The following WNK3 variants were observed in gnomAD, a reference collection of about 807,000 sequenced individuals.
The protein encoded by WNK3 is WNK lysine deficient protein kinase 3.
Under a neutral mutation model 116.7 loss-of-function variants are expected in WNK3, and 18 were observed. That is an observed-to-expected ratio of 0.15 (90% confidence interval 0.11 to 0.23). The LOEUF (loss-of-function observed/expected upper bound fraction) is 0.23, where lower values mean the gene tolerates loss of function less well. WNK3 is among the 10% of genes least tolerant of loss of function. The probability of loss-of-function intolerance (pLI) is 1.00; values close to 1 mark genes in which losing one functional copy is unlikely to be tolerated. For missense variants in WNK3, 993 were observed against 1,323.8 expected (o/e 0.75, Z 3.88); for synonymous variants, 404 against 469.4 (o/e 0.86, Z 1.80).
rs782287841 is a variant in WNK3, at chrX:54,268,816, G to A, written c.2038-9478C>T. On this transcript the variant is annotated intron_variant, in intron 10 of 23. Transcript: ENST00000354646. ...CATAAATAAATAAATAAATGAGGGAGAATGGCCAACTAATAAAGAGGAATG... is the reference window on the plus strand; with the variant it reads ...CATAAATAAATAAATAAATGAGGGAAAATGGCCAACTAATAAAGAGGAATG... Among the ~76,000 whole-genome samples the A allele has an allele frequency of 5.4e-5, 6 of 111,019 alleles. No homozygotes were observed. The South Asian group carries it at 2.3e-3, about 42-fold the overall frequency.
rs1603382034 is a variant in WNK3 at position 54,251,471 on chromosome X, T to C, written c.2524-21A>G. ...CCTGTCTGAATTAAAAATGAATAGATAAATTAAAAAGTTCCTGATTCATAT... is the reference window on the plus strand; with the variant it reads ...CCTGTCTGAATTAAAAATGAATAGACAAATTAAAAAGTTCCTGATTCATAT... On this transcript the variant is annotated intron_variant, in intron 14 of 23. Coordinates refer to ENST00000354646, the Ensembl canonical transcript of WNK3. 12 of 1,192,911 alleles carry C rather than the reference T, an allele frequency of 1.0e-5. No individual in the cohort carries two copies. In the East Asian group the frequency reaches 3.3e-4, roughly 33 times the overall value.
At chrX:54,251,373 T>C in intron 15 of WNK3, 26 bp downstream of exon 15, 1 of 1,089,314 alleles carries the variant, frequency 9.2e-7, no homozygotes, top group South Asian at 2.1e-5. Context: ...AAAAACCAAA[T>C]GATAAATTTT....
intron 22 of WNK3, among the ~76,000 whole-genome samples, chrX:54,224,614 G>C (rs2146810814): frequency 9.2e-6 from 1 of 108,162 alleles, no homozygotes; most frequent in Non-Finnish European, 1.9e-5. Flanking sequence ...CTGTCGCCCA[G>C]GCTGGAGTGC....
intron 22 of WNK3, among the ~76,000 whole-genome samples, chrX:54,212,053 C>T (rs1257274721): frequency 2.7e-5 from 3 of 110,686 alleles, no homozygotes; most frequent in Admixed American, 1.9e-4. Flanking sequence ...AGTGAAATGC[C>T]GTCTCTACTA....
intron 2 of WNK3, among the ~76,000 whole-genome samples, chrX:54,321,465 T>C (rs1557172234): frequency 9.0e-6 from 1 of 111,054 alleles, no homozygotes; most frequent in Non-Finnish European, 1.9e-5. Flanking sequence ...AGTGCAGATA[T>C]CTCATTCACA....
chrX:54,197,084 C>T (rs2067450086), exon 24 of WNK3: 1 of 112,037 alleles, frequency 8.9e-6, no homozygotes, highest in Admixed American at 9.5e-5. Context: ...ATGTAAGTCT[C>T]GAAACCTACT....
intron 2 of WNK3, among the ~76,000 whole-genome samples, chrX:54,314,210 A>C (rs1313515247): frequency 9.2e-5 from 10 of 108,418 alleles, no homozygotes; most frequent in East Asian, 8.7e-4. Flanking sequence ...AAAACAAAAA[A>C]AAAAAAAACA....
intron 2 of WNK3, among the ~76,000 whole-genome samples, chrX:54,318,794 T>C (rs782765968): frequency 1.8e-5 from 2 of 110,787 alleles, no homozygotes; most frequent in African/African-American, 6.5e-5. Context: ...TCTTTTTTTT[T>C]TGAGATGGAG....
In WNK3 at chrX:54,198,561, G is replaced by C. The variant is rs369675824; in HGVS notation, c.5166C>G (p.Leu1722=). The change falls in exon 24 of 24, where the codon CTC becomes CTG. Residue 1722 remains leucine, a synonymous_variant. Coordinates refer to ENST00000354646, the Ensembl canonical transcript of WNK3. ...ATGGCCCAGGAAATGAAGGGAGTGA[G>C]AGTCCTTGTGGCAAGGAAGTTGGGA... 2.5e-6 allele frequency: 3 copies of C among 1,207,706 alleles called. No individual in the cohort carries two copies. The African/African-American group carries it at 5.3e-5, about 21-fold the overall frequency.
chrX:54,347,249 G>A (rs1324506087), intron 1 of WNK3, among the ~76,000 whole-genome samples: 2 of 112,380 alleles, frequency 1.8e-5, no homozygotes, highest in Admixed American at 9.5e-5. Flanking sequence ...ACTTTGGGAG[G>A]CCAAGGTGGG....
In WNK3 at chrX:54,254,069, T is replaced by C. The variant is rs782166679; in HGVS notation, c.2257A>G (p.Thr753Ala). 1.8e-4 allele frequency: 212 copies of C among 1,176,891 alleles called. No homozygotes were observed. The highest frequency in any genetic ancestry group is 2.3e-4 in the Non-Finnish European group (203 of 868,923). The change falls in exon 13 of 24, where the codon ACC (threonine) becomes GCC (alanine). Residue 753 changes from threonine (T) to alanine (A), a missense_variant. This residue lies in a region of WNK3 where 836 missense variants were observed against 976.5 expected (regional missense o/e 0.86). Transcript: ENST00000354646. ...CACTCTACCATGTTATCTCCAGAGGTTGATACCTGAGTACAAACATTTTAC... is the reference window on the plus strand; with the variant it reads ...CACTCTACCATGTTATCTCCAGAGGCTGATACCTGAGTACAAACATTTTAC...
At chrX:54,354,899 C>G (rs1032235600) in intron 1 of WNK3, among the ~76,000 whole-genome samples, 2 of 109,780 alleles carry the variant, frequency 1.8e-5, no homozygotes, top group African/African-American at 3.3e-5. Context: ...GCCTGGCCAA[C>G]ATGGGGCAAC....
chrX:54,259,294 T>C, exon 11 of WNK3: 3 of 1,199,682 alleles, frequency 2.5e-6, no homozygotes, highest in South Asian at 1.8e-5. Flanking sequence ...AATCTGGTTT[T>C]AGAAGAGCTG....
At chrX:54,269,467 C>T (rs1557158731) in intron 10 of WNK3, among the ~76,000 whole-genome samples, 1 of 111,465 alleles carries the variant, frequency 9.0e-6, no homozygotes, top group African/African-American at 3.3e-5. Flanking sequence ...ACATTGCCAG[C>T]GGGAACGTAT....
At chrX:54,322,729 C>T (rs1557172562) in intron 2 of WNK3, among the ~76,000 whole-genome samples, 1 of 111,581 alleles carries the variant, frequency 9.0e-6, no homozygotes, top group Non-Finnish European at 1.9e-5. Context: ...AACTAATAAT[C>T]CTTATCTCAT....
At chrX:54,235,578 T>C (rs550736629) in intron 20 of WNK3, among the ~76,000 whole-genome samples, 4 of 111,779 alleles carry the variant, frequency 3.6e-5, no homozygotes, top group African/African-American at 1.3e-4. Flanking sequence ...TGAGCCACTG[T>C]GTCTGGCCAA....
At chrX:54,352,901 G>T (rs1023829669) in intron 1 of WNK3, among the ~76,000 whole-genome samples, 6 of 111,879 alleles carry the variant, frequency 5.4e-5, no homozygotes, top group African/African-American at 1.9e-4. Context: ...GCCATAAAAA[G>T]GAATAAAGTA....
At chrX:54,278,117 C>G (rs1557161484) in intron 10 of WNK3, among the ~76,000 whole-genome samples, 1 of 106,838 alleles carries the variant, frequency 9.4e-6, no homozygotes, top group East Asian at 2.9e-4. Flanking sequence ...AAAAAGAGCA[C>G]AATTATTTAT....
At chrX:54,318,837 T>C (rs1268421237) in intron 2 of WNK3, among the ~76,000 whole-genome samples, 1 of 110,141 alleles carries the variant, frequency 9.1e-6, no homozygotes, top group Non-Finnish European at 1.9e-5. Flanking sequence ...GAGTGAGTAG[T>C]GTGACCTCGG....
Sources: allele counts gnomAD v4.1 joint callset (sites outside exome capture counted in the v4.1 genomes callset), GRCh38; gene constraint gnomAD v4.1.1; regional missense constraint gnomAD v4.1.1; transcripts MANE v1.5; gene names NCBI Gene and HGNC (gene_info 2026-07-23, HGNC 2026-07-21).